Variants in EYA1 observed in about 807,000 individuals in gnomAD.
EYA1 encodes the protein EYA transcriptional coactivator and phosphatase 1, also known as protein phosphatase EYA1.
Under a neutral mutation model 82.0 loss-of-function variants are expected in EYA1, and 16 were observed. The observed-to-expected ratio is 0.20, with a 90% CI of 0.13 to 0.30. The LOEUF is 0.30. Ranked by LOEUF, EYA1 falls within the 10% of genes least tolerant of loss-of-function variation. The probability of loss-of-function intolerance (pLI) is 1.00; values close to 1 mark genes in which losing one functional copy is unlikely to be tolerated. For synonymous variants in EYA1, 261 were observed against 264.4 expected (o/e 0.99, Z 0.12); for missense variants, 633 against 730.7 (o/e 0.87, Z 1.54).
intron 2 of EYA1, among the ~76,000 whole-genome samples, chr8:71,372,320 C>T (rs1292782083): frequency 1.1e-4 from 16 of 152,008 alleles, no homozygotes; most frequent in Non-Finnish European, 1.2e-4. Context: ...AATTCCTAGC[C>T]TAGAATTTTA....
chr8:71,291,357 C>A (rs1248206549), intron 9 of EYA1, among the ~76,000 whole-genome samples: 1 of 152,154 alleles, frequency 6.6e-6, no homozygotes, highest in African/African-American at 2.4e-5. Context: ...CAAATGGTTT[C>A]CCATGCATAT....
intron 2 of EYA1, among the ~76,000 whole-genome samples, chr8:71,429,220 T>C (rs1328906348): frequency 1.3e-5 from 2 of 152,308 alleles, no homozygotes; most frequent in East Asian, 1.9e-4. Context: ...ACTTACTTCA[T>C]TGAAGGAGTA....
chr8:71,439,739 T>C (rs1444460788), intron 2 of EYA1, among the ~76,000 whole-genome samples: 1 of 152,140 alleles, frequency 6.6e-6, no homozygotes, highest in Non-Finnish European at 1.5e-5. Context: ...TCCACAAACA[T>C]TCACCAAGCA....
chr8:71,200,226 TATAGA>T (rs1427073763), intron 17 of EYA1: 2 of 152,250 alleles, frequency 1.3e-5, no homozygotes, highest in African/African-American at 4.8e-5. Flanking sequence ...TTGTTTACCT[TATAGA>T]ATAGGATTCT....
At chr8:71,404,591 G>A (rs1334084575) in intron 2 of EYA1, 1 of 152,198 alleles carries the variant, frequency 6.6e-6, no homozygotes, top group African/African-American at 2.4e-5. Context: ...AGATTGTGAA[G>A]TACAGGAAGC....
At position 71,356,503 on chromosome 8, in the gene EYA1, TG is replaced by T; in HGVS notation, c.-47del. ...CAGCAACATCTGAACTGGCTTGAGA[TG>T]TTTGCACCTGTGATCAGGGGTAAAA... On this transcript the variant is annotated 5_prime_UTR_variant, in exon 2 of 18. Coordinates refer to ENST00000340726, the MANE Select transcript of EYA1 (RefSeq NM_000503.6). 1.3e-6 allele frequency: 2 copies of T among 1,576,318 alleles called. No homozygotes were observed.
intron 2 of EYA1, among the ~76,000 whole-genome samples, chr8:71,413,948 A>T (rs1242676526): frequency 6.6e-6 from 1 of 152,206 alleles, no homozygotes; most frequent in Admixed American, 6.5e-5. Flanking sequence ...AGAAGGTAGA[A>T]TCTAAGACAA....
At chr8:71,445,360 G>C (rs1806798432) in intron 2 of EYA1, among the ~76,000 whole-genome samples, 1 of 152,106 alleles carries the variant, frequency 6.6e-6, no homozygotes, top group South Asian at 2.1e-4. Flanking sequence ...TAGAGTAACA[G>C]ATAATCAAAG....
intron 2 of EYA1, among the ~76,000 whole-genome samples, chr8:71,504,360 A>G (rs958227699): frequency 3.9e-5 from 6 of 152,170 alleles, no homozygotes; most frequent in Non-Finnish European, 7.4e-5. Flanking sequence ...GCATAATAGA[A>G]ATAAACTATT....
At chr8:71,310,578 G>T (rs1427482661) in intron 7 of EYA1, among the ~76,000 whole-genome samples, 1 of 152,126 alleles carries the variant, frequency 6.6e-6, no homozygotes, top group Admixed American at 6.5e-5. Flanking sequence ...CCATGTTCCT[G>T]CAAAGGACAT....
At chr8:71,268,844 C>G (rs1395798455) in intron 11 of EYA1, among the ~76,000 whole-genome samples, 1 of 152,220 alleles carries the variant, frequency 6.6e-6, no homozygotes, top group African/African-American at 2.4e-5. Flanking sequence ...TTTGTAATAA[C>G]AGTATGTGCA....
At chr8:71,312,987 C>G (rs1454879544) in intron 7 of EYA1, among the ~76,000 whole-genome samples, 1 of 152,176 alleles carries the variant, frequency 6.6e-6, no homozygotes, top group Non-Finnish European at 1.5e-5. Context: ...TCCACCCATT[C>G]TTAGCACTCA....
intron 2 of EYA1, among the ~76,000 whole-genome samples, chr8:71,488,573 G>A (rs1436033159): frequency 6.6e-6 from 1 of 152,154 alleles, no homozygotes; most frequent in South Asian, 2.1e-4. Flanking sequence ...GATAGATATC[G>A]GTTGGGAATA....
At chr8:71,286,222 C>G (rs1459168427) in intron 9 of EYA1, among the ~76,000 whole-genome samples, 4 of 152,176 alleles carry the variant, frequency 2.6e-5, no homozygotes, top group Non-Finnish European at 5.9e-5. Flanking sequence ...TGTAGGTGTT[C>G]CCATTATAGA....
At chr8:71,367,552 G>GAAAAAAAAA (rs3066860) in intron 2 of EYA1, among the ~76,000 whole-genome samples, 2 of 135,656 alleles carry the variant, frequency 1.5e-5, no homozygotes, top group African/African-American at 2.6e-5. Flanking sequence ...TCCCAAATCG[G>GAAAAAAAAA]AAAAAAAAAA....
chr8:71,233,887 A>C (rs1238348594), intron 12 of EYA1, among the ~76,000 whole-genome samples: 2 of 152,260 alleles, frequency 1.3e-5, no homozygotes, highest in African/African-American at 4.8e-5. Flanking sequence ...AAAACATATG[A>C]GAGCCTTCCA....
chr8:71,287,943 A>G (rs1174802507), intron 9 of EYA1, among the ~76,000 whole-genome samples: 11 of 152,232 alleles, frequency 7.2e-5, no homozygotes, highest in Non-Finnish European at 4.4e-5. Context: ...TATTATGCTC[A>G]TTCCACAGAG....
intron 2 of EYA1, among the ~76,000 whole-genome samples, chr8:71,457,288 T>C (rs1023322099): frequency 6.6e-6 from 1 of 152,046 alleles, no homozygotes; most frequent in African/African-American, 2.4e-5. Flanking sequence ...TGTAGAGAAA[T>C]AGGAACACTT....
chr8:71,501,284 G>A (rs1811788823), intron 2 of EYA1, among the ~76,000 whole-genome samples: 1 of 152,126 alleles, frequency 6.6e-6, no homozygotes, highest in Non-Finnish European at 1.5e-5. Context: ...AAAACAGAAG[G>A]AATAAACAAA....
Sources: allele counts gnomAD v4.1 joint callset (sites outside exome capture counted in the v4.1 genomes callset), GRCh38; gene constraint gnomAD v4.1.1; transcripts MANE v1.5; gene names NCBI Gene and HGNC (gene_info 2026-07-23, HGNC 2026-07-21).